Variants in GABRA3 observed in about 807,000 individuals in gnomAD.
GABRA3 encodes the protein gamma-aminobutyric acid receptor subunit alpha-3.
Under a neutral mutation model 30.1 loss-of-function variants are expected in GABRA3, and 10 were observed. The ratio of observed to expected loss-of-function variants is 0.33; its 90% CI spans 0.20 to 0.56. The LOEUF (loss-of-function observed/expected upper bound fraction) is 0.56. Ranked by LOEUF, GABRA3 falls within the 20% of genes least tolerant of loss-of-function variation. The probability of loss-of-function intolerance (pLI) is 0.89; values close to 1 mark genes in which losing one functional copy is unlikely to be tolerated. For missense variants in GABRA3, 233 were observed against 392.0 expected, an observed-to-expected ratio of 0.59 and a Z score of 3.42; for synonymous variants, 151 against 146.8, an observed-to-expected ratio of 1.03 and a Z score of -0.21.
At chrX:152,341,545 C>CTTTTTTTTT (rs1201836478) in intron 3 of GABRA3, among the ~76,000 whole-genome samples, 1 of 86,762 alleles carries the variant, frequency 1.2e-5, no homozygotes, top group Non-Finnish European at 2.2e-5. Flanking sequence ...CATCTATTGA[C>CTTTTTTTTT]TTTTTTTTTT....
At chrX:152,336,371 A>T (rs1171819428) in intron 3 of GABRA3, among the ~76,000 whole-genome samples, 1 of 111,860 alleles carries the variant, frequency 8.9e-6, no homozygotes, top group African/African-American at 3.2e-5. Context: ...GATCGTGTAC[A>T]ATTTAAACCT....
intron 5 of GABRA3, among the ~76,000 whole-genome samples, chrX:152,226,287 C>T (rs1937952272): frequency 9.0e-6 from 1 of 111,587 alleles, no homozygotes; most frequent in Non-Finnish European, 1.9e-5. Context: ...TTACAGACAT[C>T]CATGTGTCTA....
chrX:152,275,517 G>A (rs905310764), intron 4 of GABRA3, among the ~76,000 whole-genome samples: 3 of 47,146 alleles, frequency 6.4e-5, no homozygotes, highest in African/African-American at 1.8e-4. Flanking sequence ...AGCACTTTGG[G>A]AGGCCAAGGC....
chrX:152,388,100 A>G (rs1463666930), intron 1 of GABRA3, among the ~76,000 whole-genome samples: 2 of 112,267 alleles, frequency 1.8e-5, no homozygotes, highest in Non-Finnish European at 3.8e-5. Context: ...TAAATATTAT[A>G]CAGGTGAAAA....
At chrX:152,342,153 G>A (rs1287643253) in intron 3 of GABRA3, among the ~76,000 whole-genome samples, 2 of 112,662 alleles carry the variant, frequency 1.8e-5, no homozygotes, top group Non-Finnish European at 3.7e-5. Flanking sequence ...TTATAGGCGT[G>A]AGCCACCACG....
intron 3 of GABRA3, among the ~76,000 whole-genome samples, chrX:152,306,289 C>A (rs1400256934): frequency 1.8e-5 from 2 of 111,853 alleles, no homozygotes; most frequent in African/African-American, 6.5e-5. Context: ...GCAATATCTG[C>A]TAAAGCTTAG....
chrX:152,425,446 A>G (rs1458990452), intron 1 of GABRA3, among the ~76,000 whole-genome samples: 1 of 110,768 alleles, frequency 9.0e-6, no homozygotes, highest in Non-Finnish European at 1.9e-5. Flanking sequence ...TTTGGTTATC[A>G]TATCTCTTTA....
intron 4 of GABRA3, among the ~76,000 whole-genome samples, chrX:152,270,987 G>A (rs1938924457): frequency 9.6e-6 from 1 of 104,315 alleles, no homozygotes; most frequent in East Asian, 3.1e-4. Context: ...TTGAGAGAAA[G>A]CCTCGCTTTT....
intron 1 of GABRA3, among the ~76,000 whole-genome samples, chrX:152,415,790 T>A (rs1930197478): frequency 9.0e-6 from 1 of 111,416 alleles, no homozygotes. Flanking sequence ...ATGAGTTTAT[T>A]ATTTCAAAAT....
intron 1 of GABRA3, among the ~76,000 whole-genome samples, chrX:152,423,479 T>C (rs1399109551): frequency 8.9e-6 from 1 of 112,095 alleles, no homozygotes; most frequent in Non-Finnish European, 1.9e-5. Context: ...ATTCAATAAG[T>C]TGCACTGGAC....
chrX:152,416,803 G>A (rs1489216139), intron 1 of GABRA3, among the ~76,000 whole-genome samples: 1 of 109,173 alleles, frequency 9.2e-6, no homozygotes, highest in Non-Finnish European at 1.9e-5. Context: ...AAATGGTGCT[G>A]GGAAAACTGG....
At chrX:152,224,972 T>C (rs1937911755) in intron 5 of GABRA3, 127 bp from the exon 6 acceptor site, 3 of 454,628 alleles carry the variant, frequency 6.6e-6, no homozygotes, top group Non-Finnish European at 1.2e-5. Context: ...GAGATTCAAG[T>C]CTTTATGAAC....
chrX:152,238,857 T>C (rs1480485975), intron 5 of GABRA3, among the ~76,000 whole-genome samples: 1 of 110,616 alleles, frequency 9.0e-6, no homozygotes, highest in African/African-American at 3.3e-5. Flanking sequence ...TATCATTTTT[T>C]ATTGTGTCTA....
At chrX:152,271,285 T>C (rs1451014007) in intron 4 of GABRA3, among the ~76,000 whole-genome samples, 1 of 111,878 alleles carries the variant, frequency 8.9e-6, no homozygotes, top group Non-Finnish European at 1.9e-5. Context: ...CTTGAATGGC[T>C]TGGACCAAAA....
intron 3 of GABRA3, among the ~76,000 whole-genome samples, chrX:152,305,943 G>C (rs1157134379): frequency 3.6e-5 from 4 of 111,232 alleles, no homozygotes; most frequent in African/African-American, 1.3e-4. Context: ...AAAATGCACT[G>C]GGACTACAGG....
intron 1 of GABRA3, among the ~76,000 whole-genome samples, chrX:152,447,637 G>A (rs761825413): frequency 5.3e-5 from 6 of 112,243 alleles, no homozygotes; most frequent in East Asian, 2.8e-4. Context: ...AACTGAAAGC[G>A]TAATTTGTAG....
At chrX:152,206,468 T>C (rs1937545092) in intron 7 of GABRA3, among the ~76,000 whole-genome samples, 1 of 111,641 alleles carries the variant, frequency 9.0e-6, no homozygotes, top group Non-Finnish European at 1.9e-5. Context: ...CTTGCTTGCA[T>C]AGTCCCGGGA....
At chrX:152,326,520 A>G (rs770558841) in intron 3 of GABRA3, among the ~76,000 whole-genome samples, 1 of 111,922 alleles carries the variant, frequency 8.9e-6, no homozygotes, top group South Asian at 3.8e-4. Flanking sequence ...CAAAAACTCT[A>G]CGAGCCAGAA....
chrX:152,346,774 T>C (rs1301072549), intron 2 of GABRA3, among the ~76,000 whole-genome samples: 1 of 111,676 alleles, frequency 9.0e-6, no homozygotes, highest in African/African-American at 3.3e-5. Flanking sequence ...GAAATGCAAA[T>C]CACAACTACA....
Sources: allele counts gnomAD v4.1 joint callset (sites outside exome capture counted in the v4.1 genomes callset), GRCh38; gene constraint gnomAD v4.1.1; transcripts MANE v1.5; gene names NCBI Gene and HGNC (gene_info 2026-07-23, HGNC 2026-07-21).